The following UNC5C variants were observed in gnomAD, a reference collection of about 807,000 sequenced individuals.
UNC5C encodes netrin receptor UNC5C.
Under a neutral mutation model 99.8 loss-of-function variants are expected in UNC5C, and 47 were observed. The ratio of observed to expected loss-of-function variants is 0.47; its 90% CI spans 0.37 to 0.60. The LOEUF (loss-of-function observed/expected upper bound fraction) is 0.60, where lower values mean the gene tolerates loss of function less well. Among genes scored for constraint, UNC5C ranks in the 20% least tolerant of loss-of-function variants. The pLI, the probability that UNC5C is intolerant of heterozygous loss-of-function variation, is 0.00. For synonymous variants in UNC5C, 487 were observed against 452.2 expected, an observed-to-expected ratio of 1.08 and a Z score of -0.98; for missense variants, 1,062 against 1,165.9, an observed-to-expected ratio of 0.91 and a Z score of 1.30.
chr4:95,546,532 C>T (rs886567777), intron 1 of UNC5C, among the ~76,000 whole-genome samples: 1 of 152,130 alleles, frequency 6.6e-6, no homozygotes, highest in African/African-American at 2.4e-5. Flanking sequence ...TTTTACAGAC[C>T]ATGAGATTCA....
intron 1 of UNC5C, among the ~76,000 whole-genome samples, chr4:95,536,425 C>T (rs1234449961): frequency 1.3e-5 from 2 of 152,216 alleles, no homozygotes; most frequent in Admixed American, 6.5e-5. Flanking sequence ...AAAGAACACA[C>T]TTTTAAAGTT....
intron 6 of UNC5C, among the ~76,000 whole-genome samples, chr4:95,243,690 G>A (rs560728292): frequency 6.6e-6 from 1 of 152,154 alleles, no homozygotes; most frequent in East Asian, 1.9e-4. Flanking sequence ...GTATAATGTG[G>A]ATATGGTTAT....
At chr4:95,251,122 CTA>C (rs1215667926) in intron 4 of UNC5C, among the ~76,000 whole-genome samples, 1 of 152,194 alleles carries the variant, frequency 6.6e-6, no homozygotes, top group Non-Finnish European at 1.5e-5. Context: ...AATAGAAAGA[CTA>C]TTTTTAAAAG....
chr4:95,214,004 G>A (rs569063214), intron 10 of UNC5C, among the ~76,000 whole-genome samples: 15 of 152,274 alleles, frequency 9.9e-5, no homozygotes, highest in African/African-American at 2.6e-4. Flanking sequence ...CCTTGGCTTT[G>A]GAACCCAATT....
intron 1 of UNC5C, among the ~76,000 whole-genome samples, chr4:95,367,743 C>T (rs1283302867): frequency 3.9e-5 from 6 of 152,170 alleles, no homozygotes; most frequent in East Asian, 1.9e-4. Context: ...TTAAACTTTT[C>T]ACATAGGCTA....
chr4:95,182,332 AGT>A (rs2149350218), intron 14 of UNC5C, among the ~76,000 whole-genome samples: 1 of 152,300 alleles, frequency 6.6e-6, no homozygotes, highest in African/African-American at 2.4e-5. Context: ...CCCGGAGGAA[AGT>A]GTATCTCTCT....
intron 3 of UNC5C, 106 bp downstream of exon 3, chr4:95,301,500 A>G (rs930251826): frequency 6.6e-7 from 1 of 1,520,962 alleles, no homozygotes; most frequent in African/African-American, 1.4e-5. Flanking sequence ...TGGCCTTTCC[A>G]GGATTTTTGA....
At chr4:95,285,025 C>A (rs1741184549) in intron 3 of UNC5C, among the ~76,000 whole-genome samples, 1 of 152,186 alleles carries the variant, frequency 6.6e-6, no homozygotes, top group South Asian at 2.1e-4. Flanking sequence ...TCAGCAAAAG[C>A]ATCTCCCTGT....
intron 1 of UNC5C, among the ~76,000 whole-genome samples, chr4:95,536,898 G>T (rs1270379033): frequency 1.3e-5 from 2 of 152,134 alleles, no homozygotes; most frequent in Non-Finnish European, 2.9e-5. Flanking sequence ...CCCTGACCAT[G>T]TAAGCTCCCA....
chr4:95,222,334 A>C, intron 7 of UNC5C: 3 of 892,598 alleles, frequency 3.4e-6, no homozygotes, highest in Non-Finnish European at 4.8e-6. Flanking sequence ...AGAAAATAGG[A>C]AGCATGAAAA....
chr4:95,274,714 A>G (rs1201675443), intron 4 of UNC5C, among the ~76,000 whole-genome samples: 1 of 152,034 alleles, frequency 6.6e-6, no homozygotes, highest in Non-Finnish European at 1.5e-5. Context: ...GACTGAATGA[A>G]CAATAGTAGC....
Position 95,168,513 on chromosome 4 carries a change from T to A in UNC5C, c.*721A>T, listed in dbSNP as rs1560709184. ...GTGAAAAAAATGCTTGTTTGTGGGG[T>A]TGAACATGAATCACTGTCTTCCCTG... is the stretch of plus-strand genomic sequence containing the variant. On this transcript the variant is annotated 3_prime_UTR_variant, in exon 16 of 16. Coordinates refer to ENST00000453304, the MANE Select transcript of UNC5C (RefSeq NM_003728.4). 1.3e-5 allele frequency: 2 copies of A among 152,566 alleles called. No homozygotes were observed. The highest frequency in any genetic ancestry group is 2.9e-5 in the Non-Finnish European group (2 of 68,020). 9.5% of individuals were successfully genotyped at this position (152,566 alleles called of 1,614,324 possible).
At chr4:95,286,514 C>G (rs7681194) in intron 3 of UNC5C, among the ~76,000 whole-genome samples, 100,120 of 152,078 alleles carry the variant, frequency 0.66, 33,939 homozygotes, top group African/African-American at 0.83. Flanking sequence ...TAAATGCCTG[C>G]TTTACTGGGT....
chr4:95,376,827 T>G (rs1744910099), intron 1 of UNC5C, among the ~76,000 whole-genome samples: 1 of 152,228 alleles, frequency 6.6e-6, no homozygotes, highest in Non-Finnish European at 1.5e-5. Flanking sequence ...ATTTGACCAC[T>G]TAATATGCAA....
chr4:95,473,441 A>T (rs1748036580), intron 1 of UNC5C, among the ~76,000 whole-genome samples: 1 of 152,108 alleles, frequency 6.6e-6, no homozygotes, highest in South Asian at 2.1e-4. Context: ...TTTGTATTTT[A>T]TGAACAATGT....
At chr4:95,435,112 G>C (rs745719117) in intron 1 of UNC5C, among the ~76,000 whole-genome samples, 1 of 152,058 alleles carries the variant, frequency 6.6e-6, no homozygotes, top group Non-Finnish European at 1.5e-5. Context: ...TCCAGAGATA[G>C]AGTACAAGGA....
intron 1 of UNC5C, among the ~76,000 whole-genome samples, chr4:95,495,017 G>A (rs575667244): frequency 1.3e-5 from 2 of 151,560 alleles, no homozygotes; most frequent in South Asian, 2.1e-4. Context: ...GTTATATACA[G>A]TTGTGCATGT....
At chr4:95,191,338 G>C (rs1737081397) in intron 12 of UNC5C, among the ~76,000 whole-genome samples, 1 of 152,180 alleles carries the variant, frequency 6.6e-6, no homozygotes, top group African/African-American at 2.4e-5. Flanking sequence ...CCAGGCAACA[G>C]AGTGGCATAT....
intron 1 of UNC5C, among the ~76,000 whole-genome samples, chr4:95,385,300 A>G (rs1745183674): frequency 1.3e-5 from 2 of 152,192 alleles, no homozygotes; most frequent in African/African-American, 2.4e-5. Flanking sequence ...AAAATGGTAG[A>G]TGACTACTTG....
Sources: gnomAD v4.1 joint callset for allele counts (sites outside exome capture counted in the v4.1 genomes callset) on GRCh38, gnomAD v4.1.1 for gene constraint, MANE v1.5 for transcripts, NCBI Gene and HGNC (gene_info 2026-07-23, HGNC 2026-07-21) for gene names.